PEX3: variants seen among roughly 807,000 people sequenced by gnomAD.
The protein encoded by PEX3 is peroxin-3.
Under a neutral mutation model 55.8 loss-of-function variants are expected in PEX3, and 30 were observed. The observed-to-expected ratio is 0.54, with a 90% CI of 0.40 to 0.73. The LOEUF is 0.73. PEX3 is among the 30% of genes least tolerant of loss of function. The probability of loss-of-function intolerance (pLI) is 0.00; values close to 1 mark genes in which losing one functional copy is unlikely to be tolerated. For synonymous variants in PEX3, 135 were observed against 148.4 expected (o/e 0.91, Z 0.66); for missense variants, 351 against 432.8 (o/e 0.81, Z 1.68).
Position 143,453,365 on chromosome 6 carries a change from A to T in PEX3, c.73+2250A>T, listed in dbSNP as rs1401146408. Reference sequence around the variant, plus strand: ...GCATTCAATAGTGGGGGAAGTAAGTAAGTAAAACCTTGAGTAGCAGGCCTT... The same window carrying T: ...GCATTCAATAGTGGGGGAAGTAAGTTAGTAAAACCTTGAGTAGCAGGCCTT... On this transcript the variant is annotated intron_variant, in intron 1 of 11. Coordinates refer to ENST00000367591, the MANE Select transcript of PEX3 (RefSeq NM_003630.3). The surrounding 1 kb of genome is among the most constrained non-coding windows in gnomAD (Gnocchi z 4.6). Among the ~76,000 whole-genome samples, 1 of 152,214 alleles carries T rather than the reference A, an allele frequency of 6.6e-6. No homozygotes were observed. The highest frequency in any genetic ancestry group is 1.9e-4 in the East Asian group (1 of 5,200).
chr6:143,463,530 CT>C lies in PEX3; in HGVS notation c.287+535del, dbSNP rs1483790647. Among the ~76,000 whole-genome samples the C allele has an allele frequency of 6.7e-6, 1 of 149,578 alleles. No homozygotes were observed. Among genetic ancestry groups the C allele is most frequent in the Non-Finnish European group, 1.5e-5 (1 of 67,956 alleles). On this transcript the variant is annotated intron_variant, in intron 3 of 11. Coordinates refer to ENST00000367591, the MANE Select transcript of PEX3 (RefSeq NM_003630.3). The surrounding 1 kb of genome is among the most constrained non-coding windows in gnomAD (Gnocchi z 5.7). ...CCAAAAGCACTTTCACATATGTAAC[CT>C]TGTATATTGCATGTAGCATGTGTTG...
Position 143,463,048 on chromosome 6 carries a change from T to A in PEX3, c.287+51T>A. On this transcript the variant is annotated intron_variant, in intron 3 of 11. Coordinates refer to ENST00000367591, the MANE Select transcript of PEX3 (RefSeq NM_003630.3). This position sits in a 1 kb window ranked among gnomAD's most constrained non-coding sequence, Gnocchi z 5.7. Reference sequence around the variant, plus strand: ...GTTTAAGCACTACACTTAAAGTTTATAGAATGAACTGATAGACTTTTCAAA... The same window carrying A: ...GTTTAAGCACTACACTTAAAGTTTAAAGAATGAACTGATAGACTTTTCAAA... 7.9e-7 allele frequency: 1 copy of A among 1,272,222 alleles called. No homozygotes were observed. Among genetic ancestry groups the A allele is most frequent in the Non-Finnish European group, 1.2e-6 (1 of 869,404 alleles). 78.8% of individuals were successfully genotyped at this position (1,272,222 alleles called of 1,614,324 possible).
rs1780248981 is a variant in PEX3 at position 143,482,013 on chromosome 6, A to T, written c.941+2815A>T. On this transcript the variant is annotated intron_variant, in intron 10 of 11. Coordinates refer to ENST00000367591, the MANE Select transcript of PEX3 (RefSeq NM_003630.3). This position sits in a 1 kb window ranked among gnomAD's most constrained non-coding sequence, Gnocchi z 5.5. ...AGAGTATTTGAAATCAAAAGCAAAT[A>T]TACTTAATAGTAAAACTGGAATGAT... 1.3e-5 allele frequency among the ~76,000 whole-genome samples: 2 copies of T among 152,202 alleles called. No individual in the cohort carries two copies.
At chr6:143,473,631 G>A (rs905156710) in intron 8 of PEX3, among the ~76,000 whole-genome samples, 4 of 152,112 alleles carry the variant, frequency 2.6e-5, no homozygotes, top group Non-Finnish European at 5.9e-5. Context: ...ATAGGAGGTT[G>A]ACGGGGAGGA....
intron 1 of PEX3, among the ~76,000 whole-genome samples, chr6:143,455,508 C>G (rs1279975831): frequency 6.6e-6 from 1 of 151,794 alleles, no homozygotes; most frequent in Non-Finnish European, 1.5e-5. Flanking sequence ...AGCCACCGCG[C>G]CCTGCCCATT....
chr6:143,459,076 T>C lies in PEX3; in HGVS notation c.74-9T>C, dbSNP rs2128745520. On this transcript the variant is annotated splice_polypyrimidine_tract_variant and intron_variant, in intron 1 of 11. Coordinates refer to ENST00000367591, the MANE Select transcript of PEX3 (RefSeq NM_003630.3). This position sits in a 1 kb window ranked among gnomAD's most constrained non-coding sequence, Gnocchi z 4.2. ...TCTAATGAATATAGTACTTTTTTAA[T>C]GATTGTAGGAGTATATATTCTGGGG... The C allele has an allele frequency of 1.9e-6, 3 of 1,563,062 alleles. No individual in the cohort carries two copies. The highest frequency in any genetic ancestry group is 1.7e-5 in the Admixed American group (1 of 59,908).
In PEX3 at chr6:143,459,669, T is replaced by C. The variant is rs1190831486; in HGVS notation, c.205+453T>C. Among the ~76,000 whole-genome samples the C allele has an allele frequency of 2.0e-5, 3 of 152,106 alleles. No homozygotes were observed. Among genetic ancestry groups the C allele is most frequent in the African/African-American group, 7.2e-5 (3 of 41,420 alleles). ...CCAAATGTTACAATGGAGGGAGCCA[T>C]GTGAAATGCCTGAGGCGGGAACAAG... On this transcript the variant is annotated intron_variant, in intron 2 of 11. Coordinates refer to ENST00000367591, the MANE Select transcript of PEX3 (RefSeq NM_003630.3). This position sits in a 1 kb window ranked among gnomAD's most constrained non-coding sequence, Gnocchi z 4.2.
At chr6:143,460,226 A>G (rs2128745608) in intron 2 of PEX3, among the ~76,000 whole-genome samples, 1 of 152,322 alleles carries the variant, frequency 6.6e-6, no homozygotes, top group South Asian at 2.1e-4. Context: ...TGAGATTAAG[A>G]AGGGTAAGAG....
chr6:143,458,322 AG>A lies in PEX3; in HGVS notation c.74-762del, dbSNP rs1731937149. 6.6e-6 allele frequency among the ~76,000 whole-genome samples: 1 copy of A among 152,084 alleles called. No individual in the cohort carries two copies. Among genetic ancestry groups the A allele is most frequent in the South Asian group, 2.1e-4 (1 of 4,828 alleles). Reference sequence around the variant, plus strand: ...TTATCCTGTGGTGTTAGAATTTAGGAGTTTCTGTACCCTCTTCCCTCTTTTT... The same window carrying A: ...TTATCCTGTGGTGTTAGAATTTAGGATTTCTGTACCCTCTTCCCTCTTTTT... On this transcript the variant is annotated intron_variant, in intron 1 of 11. Transcript: ENST00000367591. This position sits in a 1 kb window ranked among gnomAD's most constrained non-coding sequence, Gnocchi z 6.1.
rs979815570 is a variant in PEX3 at position 143,486,603 on chromosome 6, A to G, written c.1038+1355A>G. ...CAATTATAGTTTAATTTTTTAAACTATAATTTCTATGAGTTAAAATACCAA... is the reference window on the plus strand; with the variant it reads ...CAATTATAGTTTAATTTTTTAAACTGTAATTTCTATGAGTTAAAATACCAA... On this transcript the variant is annotated intron_variant, in intron 11 of 11. Transcript: ENST00000367591. This position sits in a 1 kb window ranked among gnomAD's most constrained non-coding sequence, Gnocchi z 5.0. Among the ~76,000 whole-genome samples, 1 of 152,172 alleles carries G rather than the reference A, an allele frequency of 6.6e-6. No individual in the cohort carries two copies. Among genetic ancestry groups the G allele is most frequent in the Non-Finnish European group, 1.5e-5 (1 of 68,002 alleles).
At position 143,486,318 on chromosome 6, in the gene PEX3, G is replaced by A. The variant is rs938607168; in HGVS notation, c.1038+1070G>A. ...CTTACCTTTACCTTTGTCCTCTTCT[G>A]TAGAAGTCCCTGGCTTGGCCAGTAG... On this transcript the variant is annotated intron_variant, in intron 11 of 11. Transcript: ENST00000367591. The surrounding 1 kb of genome is among the most constrained non-coding windows in gnomAD (Gnocchi z 5.0). 6.6e-6 allele frequency among the ~76,000 whole-genome samples: 1 copy of A among 152,102 alleles called. No homozygotes were observed. The highest frequency in any genetic ancestry group is 2.4e-5 in the African/African-American group (1 of 41,440).
chr6:143,487,607 C>T lies in PEX3; in HGVS notation c.1039-1536C>T, dbSNP rs1780338082. On this transcript the variant is annotated intron_variant, in intron 11 of 11. Coordinates refer to ENST00000367591, the MANE Select transcript of PEX3 (RefSeq NM_003630.3). The surrounding 1 kb of genome is among the most constrained non-coding windows in gnomAD (Gnocchi z 5.3). ...ATCTAAATTACAAAAAAAGATTGTT[C>T]TATAATATGGCTGACGTCTACTATT... Among the ~76,000 whole-genome samples, 1 of 152,118 alleles carries T rather than the reference C, an allele frequency of 6.6e-6. No individual in the cohort carries two copies. The highest frequency in any genetic ancestry group is 1.9e-4 in the East Asian group (1 of 5,202).
Position 143,463,431 on chromosome 6 carries a change from T to G in PEX3, c.287+434T>G, listed in dbSNP as rs556338169. 1.5e-4 allele frequency among the ~76,000 whole-genome samples: 23 copies of G among 152,312 alleles called. No homozygotes were observed. Among genetic ancestry groups the G allele is most frequent in the African/African-American group, 5.5e-4 (23 of 41,572 alleles). ...ATACAGGACTTATATCTTAAATTAC[T>G]AACAAAATGAAATACAAACATAACA... On this transcript the variant is annotated intron_variant, in intron 3 of 11. Transcript: ENST00000367591. This position sits in a 1 kb window ranked among gnomAD's most constrained non-coding sequence, Gnocchi z 5.7.
At position 143,465,878 on chromosome 6, in the gene PEX3, A is replaced by T. The variant is rs1779984448; in HGVS notation, c.288-2244A>T. On this transcript the variant is annotated intron_variant, in intron 3 of 11. Coordinates refer to ENST00000367591, the MANE Select transcript of PEX3 (RefSeq NM_003630.3). This position sits in a 1 kb window ranked among gnomAD's most constrained non-coding sequence, Gnocchi z 4.7. ...ATCTTTAAAATTGTAATAGTAACTC[A>T]ATTTCTTGTTGGAATGCAAATTTAT... is the stretch of plus-strand genomic sequence containing the variant. Among the ~76,000 whole-genome samples, 2 of 152,088 alleles carry T rather than the reference A, an allele frequency of 1.3e-5. No homozygotes were observed. Among genetic ancestry groups the T allele is most frequent in the South Asian group, 4.1e-4 (2 of 4,836 alleles).
intron 1 of PEX3, among the ~76,000 whole-genome samples, chr6:143,457,371 T>C (rs1779861183): frequency 6.6e-6 from 1 of 152,238 alleles, no homozygotes; most frequent in African/African-American, 2.4e-5. Context: ...TTGGTTATAA[T>C]ACATTAATTG....
At position 143,487,577 on chromosome 6, in the gene PEX3, G is replaced by A. The variant is rs982882118; in HGVS notation, c.1039-1566G>A. Among the ~76,000 whole-genome samples, 3 of 152,070 alleles carry A rather than the reference G, an allele frequency of 2.0e-5. No homozygotes were observed. The highest frequency in any genetic ancestry group is 2.0e-4 in the Admixed American group (3 of 15,256). On this transcript the variant is annotated intron_variant, in intron 11 of 11. Coordinates refer to ENST00000367591, the MANE Select transcript of PEX3 (RefSeq NM_003630.3). The surrounding 1 kb of genome is among the most constrained non-coding windows in gnomAD (Gnocchi z 5.3). ...AAAACCAAAGCACTTTTATTGTCAAGTAGAATCTAAATTACAAAAAAAGAT... is the reference window on the plus strand; with the variant it reads ...AAAACCAAAGCACTTTTATTGTCAAATAGAATCTAAATTACAAAAAAAGAT...
chr6:143,470,912 C>T (rs779800037), intron 4 of PEX3, 49 bp from the exon 5 acceptor site: 3 of 1,548,040 alleles, frequency 1.9e-6, no homozygotes, highest in South Asian at 2.2e-5. Context: ...CATGATTTTA[C>T]ACATTTGTAT....
Position 143,465,082 on chromosome 6 carries a change from A to G in PEX3, c.287+2085A>G, listed in dbSNP as rs1779974155. Among the ~76,000 whole-genome samples, 1 of 152,062 alleles carries G rather than the reference A, an allele frequency of 6.6e-6. No homozygotes were observed. The highest frequency in any genetic ancestry group is 2.1e-4 in the South Asian group (1 of 4,836). On this transcript the variant is annotated intron_variant, in intron 3 of 11. Coordinates refer to ENST00000367591, the MANE Select transcript of PEX3 (RefSeq NM_003630.3). This position sits in a 1 kb window ranked among gnomAD's most constrained non-coding sequence, Gnocchi z 4.7. Reference sequence around the variant, plus strand: ...AAACATCCTCCATCATAAGAGAAGTAGAACACTTCGAAAAGATTCGTTTAA... The same window carrying G: ...AAACATCCTCCATCATAAGAGAAGTGGAACACTTCGAAAAGATTCGTTTAA...
In PEX3 at chr6:143,485,337, T is replaced by C. The variant is rs1342772055; in HGVS notation, c.1038+89T>C. On this transcript the variant is annotated intron_variant, in intron 11 of 11. Transcript: ENST00000367591. This position sits in a 1 kb window ranked among gnomAD's most constrained non-coding sequence, Gnocchi z 5.6. ...TCTAACATAAAGTTACATTCTCTGC[T>C]GAGAGGTTTTTTCAAAAAATCACAG... The C allele has an allele frequency of 3.7e-6, 3 of 816,522 alleles. No homozygotes were observed. Among genetic ancestry groups the C allele is most frequent in the Non-Finnish European group, 6.5e-6 (3 of 461,502 alleles). 50.6% of individuals were successfully genotyped at this position (816,522 alleles called of 1,614,324 possible).
Sources: gnomAD v4.1 joint callset for allele counts (sites outside exome capture counted in the v4.1 genomes callset) on GRCh38, gnomAD v4.1.1 for gene constraint, Gnocchi (gnomAD v3.1) non-coding constraint, MANE v1.5 for transcripts, NCBI Gene and HGNC (gene_info 2026-07-23, HGNC 2026-07-21) for gene names.